BCL2: variants seen among roughly 807,000 people sequenced by gnomAD.
The protein encoded by BCL2 is apoptosis regulator Bcl-2.
Under a neutral mutation model 14.2 loss-of-function variants are expected in BCL2, and 1 was observed. The ratio of observed to expected loss-of-function variants is 0.07; its 90% CI spans 0.02 to 0.33. The LOEUF (loss-of-function observed/expected upper bound fraction) is 0.33. Ranked by LOEUF, BCL2 falls within the 10% of genes least tolerant of loss-of-function variation. BCL2 has a pLI of 0.99. For missense variants in BCL2, 247 were observed against 305.9 expected, an observed-to-expected ratio of 0.81 and a Z score of 1.44; for synonymous variants, 151 against 137.2, an observed-to-expected ratio of 1.10 and a Z score of -0.70.
intron 2 of BCL2, among the ~76,000 whole-genome samples, chr18:63,160,317 T>G (rs746076273): frequency 2.6e-5 from 4 of 152,234 alleles, no homozygotes; most frequent in Non-Finnish European, 5.9e-5. Flanking sequence ...AAGGGGCTTT[T>G]TAGCGACAGG....
At chr18:63,131,308 A>T (rs886707850) in intron 2 of BCL2, among the ~76,000 whole-genome samples, 1 of 152,198 alleles carries the variant, frequency 6.6e-6, no homozygotes, top group African/African-American at 2.4e-5. Context: ...GAGAGGGCGC[A>T]AGGGCTTTCT....
rs1044035601 is a variant in BCL2, at chr18:63,212,569, C to G, written c.586-83810G>C. On this transcript the variant is annotated intron_variant, in intron 2 of 2. Coordinates refer to ENST00000333681, the MANE Select transcript of BCL2 (RefSeq NM_000633.3). ...AGGGAGCTTAGGTCAGGATTCCAAG[C>G]TTTCTCAAATAAAAGTTGCTACCTT... 3.4e-4 allele frequency among the ~76,000 whole-genome samples: 50 copies of G among 149,204 alleles called. 1 individual carries two copies. The highest frequency in any genetic ancestry group is 1.2e-3 in the African/African-American group (50 of 41,148).
chr18:63,318,576 C>T lies in BCL2; in HGVS notation c.91G>A (p.Asp31Asn), dbSNP rs766508625. The stretch of plus-strand genomic sequence containing the variant: ...GGCGCGGCGCCCACATCTCCCGCAT[C>T]CCACTCGTAGCCCCTCTGCGACAGC... ...YKLSQRGYEW[D>N]AGDVGAAPPG... Residue 31 changes from aspartate (D) to asparagine (N), a missense_variant, in exon 2 of 3, where the codon GAT (aspartate) becomes AAT (asparagine). Around this residue, in one of 3 missense-constraint regions of BCL2, gnomAD observed 144 missense variants for 135.3 expected, o/e 1.06. Coordinates refer to ENST00000333681, the MANE Select transcript of BCL2 (RefSeq NM_000633.3). This position sits in a 1 kb window ranked among gnomAD's most constrained non-coding sequence, Gnocchi z 7.4. The T allele has an allele frequency of 1.2e-6, 2 of 1,601,200 alleles. No individual in the cohort carries two copies. Among genetic ancestry groups the T allele is most frequent in the South Asian group, 2.2e-5 (2 of 90,582 alleles).
At chr18:63,210,692 A>C (rs1028670717) in intron 2 of BCL2, among the ~76,000 whole-genome samples, 16 of 152,334 alleles carry the variant, frequency 1.1e-4, no homozygotes, top group Admixed American at 9.2e-4. Context: ...GAATGAGTTT[A>C]TCTAGCCCAT....
intron 2 of BCL2, among the ~76,000 whole-genome samples, chr18:63,176,323 G>A (rs1322867678): frequency 6.6e-6 from 1 of 152,170 alleles, no homozygotes; most frequent in African/African-American, 2.4e-5. Context: ...TGGGCCTGAG[G>A]AGGGCAGCCT....
chr18:63,173,428 T>G (rs1450822065), intron 2 of BCL2, among the ~76,000 whole-genome samples: 1 of 152,220 alleles, frequency 6.6e-6, no homozygotes, highest in African/African-American at 2.4e-5. Context: ...TTTTCCCTGG[T>G]GTTTTTGAAG....
chr18:63,240,178 G>A lies in BCL2; in HGVS notation c.585+77904C>T, dbSNP rs114825341. 2.0e-3 allele frequency among the ~76,000 whole-genome samples: 297 copies of A among 152,090 alleles called. 1 individual carries two copies. The highest frequency in any genetic ancestry group is 6.8e-3 in the African/African-American group (283 of 41,474). ...AATTTTTGTATTTCTTGGTAGAGAC[G>A]GGGTCTTGCCACCTTGCCCAGGCTG... On this transcript the variant is annotated intron_variant, in intron 2 of 2. Transcript: ENST00000333681.
intron 2 of BCL2, among the ~76,000 whole-genome samples, chr18:63,297,768 G>A (rs1320883727): frequency 5.9e-5 from 9 of 152,158 alleles, no homozygotes; most frequent in Non-Finnish European, 1.3e-4. Context: ...AGGGAAAGCC[G>A]CTGCTCATAA....
chr18:63,180,874 A>C (rs1413715949), intron 2 of BCL2, among the ~76,000 whole-genome samples: 1 of 152,186 alleles, frequency 6.6e-6, no homozygotes, highest in Non-Finnish European at 1.5e-5. Flanking sequence ...ATAAGCAGTA[A>C]ATCCACCAAG....
intron 2 of BCL2, chr18:63,207,525 C>A (rs1463787594): frequency 6.6e-6 from 1 of 151,734 alleles, no homozygotes; most frequent in Non-Finnish European, 1.5e-5. Flanking sequence ...TTCCAGACTG[C>A]CTGGGAGCAC....
intron 2 of BCL2, among the ~76,000 whole-genome samples, chr18:63,182,189 T>C (rs1915493192): frequency 6.6e-6 from 1 of 152,208 alleles, no homozygotes; most frequent in Admixed American, 6.5e-5. Flanking sequence ...ATTTGGGGTG[T>C]GGCTTGGACA....
At chr18:63,137,462 A>G (rs2144593436) in intron 2 of BCL2, among the ~76,000 whole-genome samples, 1 of 152,238 alleles carries the variant, frequency 6.6e-6, no homozygotes, top group East Asian at 1.9e-4. Context: ...GTTTTACTAT[A>G]TGGCAGATTT....
intron 2 of BCL2, among the ~76,000 whole-genome samples, chr18:63,201,844 G>C (rs937851285): frequency 3.3e-5 from 5 of 152,088 alleles, no homozygotes; most frequent in African/African-American, 9.7e-5. Flanking sequence ...GGGGGTCTAG[G>C]GGAGGGATAG....
chr18:63,128,795 A>T, intron 2 of BCL2, 36 bp from the exon 3 acceptor site: 1 of 759,492 alleles, frequency 1.3e-6, no homozygotes, highest in South Asian at 1.4e-5. Flanking sequence ...AAAAAGAAAG[A>T]GTATTAGAGA....
intron 2 of BCL2, among the ~76,000 whole-genome samples, chr18:63,171,006 T>C (rs927232622): frequency 2.0e-5 from 3 of 152,238 alleles, no homozygotes; most frequent in Non-Finnish European, 4.4e-5. Context: ...AAAGGAACGA[T>C]TTATTTTTGA....
chr18:63,318,893 T>G lies in BCL2; in HGVS notation c.-227A>C. The G allele has an allele frequency of 7.1e-7, 1 of 1,412,194 alleles. No individual in the cohort carries two copies. The highest frequency in any genetic ancestry group is 9.3e-7 in the Non-Finnish European group (1 of 1,080,226). 87.5% of individuals were successfully genotyped at this position (1,412,194 alleles called of 1,614,324 possible). On this transcript the variant is annotated 5_prime_UTR_variant, in exon 2 of 3. Transcript: ENST00000333681. This position sits in a 1 kb window ranked among gnomAD's most constrained non-coding sequence, Gnocchi z 7.4. ...ATTCCAATTCCTTTCGGATCTTTAT[T>G]TCATGAGGCACGTTATTATTAGTAA...
At chr18:63,177,477 G>A (rs4987803) in intron 2 of BCL2, among the ~76,000 whole-genome samples, 4,958 of 152,298 alleles carry the variant, frequency 0.033, 85 homozygotes, top group South Asian at 0.063. Context: ...CCCTGTTGCA[G>A]TTCTCTGAAT....
intron 2 of BCL2, among the ~76,000 whole-genome samples, chr18:63,155,278 C>T (rs1568217845): frequency 6.6e-6 from 1 of 152,130 alleles, no homozygotes; most frequent in Non-Finnish European, 1.5e-5. Flanking sequence ...GACAGCAGGG[C>T]CACAGCACGT....
intron 2 of BCL2, among the ~76,000 whole-genome samples, chr18:63,240,063 C>T (rs1396992812): frequency 1.3e-5 from 2 of 152,190 alleles, no homozygotes; most frequent in East Asian, 3.8e-4. Context: ...AAACTTGGCT[C>T]ACTACAATCT....
Sources: gnomAD v4.1 joint callset for allele counts (sites outside exome capture counted in the v4.1 genomes callset) on GRCh38, gnomAD v4.1.1 for gene constraint, gnomAD v4.1.1 regional missense constraint, Gnocchi (gnomAD v3.1) non-coding constraint, MANE v1.5 for transcripts, NCBI Gene and HGNC (gene_info 2026-07-23, HGNC 2026-07-21) for gene names.